LUZP2: variants seen among roughly 807,000 people sequenced by gnomAD.
The protein encoded by LUZP2 is leucine zipper protein 2.
A neutral mutation model predicts 51.6 loss-of-function variants in LUZP2; 52 were observed. That is an observed-to-expected ratio of 1.01 (90% confidence interval 0.81 to 1.27). LUZP2 has a LOEUF of 1.27. LUZP2 is among the 50% of genes most tolerant of loss of function. The probability of loss-of-function intolerance (pLI) is 0.00; values close to 1 mark genes in which losing one functional copy is unlikely to be tolerated. For missense variants in LUZP2, 436 were observed against 395.4 expected, an observed-to-expected ratio of 1.10 and a Z score of -0.87; for synonymous variants, 154 against 137.3, an observed-to-expected ratio of 1.12 and a Z score of -0.85.
At chr11:24,613,754 A>G (rs1361143769) in intron 1 of LUZP2, among the ~76,000 whole-genome samples, 1 of 151,886 alleles carries the variant, frequency 6.6e-6, no homozygotes, top group Middle Eastern at 3.2e-3. Flanking sequence ...GGAAGGAATG[A>G]AAGAGACATT....
Position 24,649,679 on chromosome 11 carries a change from C to T in LUZP2, c.63-79490C>T, listed in dbSNP as rs539199204. On this transcript the variant is annotated intron_variant, in intron 1 of 11. Transcript: ENST00000336930. ...TCAGTAATAGCGATAGGTGTTATAA[C>T]CTGAATCGGGAGTTTAATTTCTGGG... Among the ~76,000 whole-genome samples, 3 of 151,934 alleles carry T rather than the reference C, an allele frequency of 2.0e-5. No individual in the cohort carries two copies. The South Asian group carries it at 6.2e-4, about 32-fold the overall frequency.
chr11:25,005,404 G>T lies in LUZP2; in HGVS notation c.765+22111G>T, dbSNP rs147556301. Among the ~76,000 whole-genome samples, 5 of 152,278 alleles carry T rather than the reference G, an allele frequency of 3.3e-5. No individual in the cohort carries two copies. The East Asian group carries it at 5.8e-4, about 18-fold the overall frequency. On this transcript the variant is annotated intron_variant, in intron 9 of 11. Transcript: ENST00000336930. ...TCCCTCTTACAGAAAAGGTCAAGCT[G>T]CAGGATAGTTTTGTAATTTATATTT... is the stretch of plus-strand genomic sequence containing the variant.
chr11:24,766,126 C>G (rs1860181178), intron 5 of LUZP2, among the ~76,000 whole-genome samples: 1 of 152,098 alleles, frequency 6.6e-6, no homozygotes. Context: ...TCATGGGCAC[C>G]ACTTTTAACC....
intron 1 of LUZP2, among the ~76,000 whole-genome samples, chr11:24,563,102 A>G (rs1440457997): frequency 6.6e-6 from 1 of 152,200 alleles, no homozygotes; most frequent in Non-Finnish European, 1.5e-5. Context: ...ATGAAACTAC[A>G]TATGCAAATT....
chr11:24,978,298 T>C (rs1181324403), intron 8 of LUZP2, among the ~76,000 whole-genome samples: 1 of 151,832 alleles, frequency 6.6e-6, no homozygotes, highest in Non-Finnish European at 1.5e-5. Flanking sequence ...AAAATGTATA[T>C]AACTCATTAT....
intron 9 of LUZP2, among the ~76,000 whole-genome samples, chr11:25,033,448 C>T (rs1309179610): frequency 7.9e-5 from 12 of 152,088 alleles, no homozygotes; most frequent in Non-Finnish European, 1.8e-4. Flanking sequence ...ATTTTAGATA[C>T]ATGATGTACA....
intron 1 of LUZP2, among the ~76,000 whole-genome samples, chr11:24,674,929 T>G (rs1022761092): frequency 1.3e-5 from 2 of 152,214 alleles, no homozygotes; most frequent in African/African-American, 2.4e-5. Context: ...ACTATAATAT[T>G]GCAATTTTAA....
intron 1 of LUZP2, among the ~76,000 whole-genome samples, chr11:24,564,766 A>G (rs1852162922): frequency 6.6e-6 from 1 of 152,308 alleles, no homozygotes; most frequent in Admixed American, 6.5e-5. Context: ...TTTTTTAAAA[A>G]ATAACATTTG....
At chr11:24,550,566 T>C (rs932186147) in intron 1 of LUZP2, among the ~76,000 whole-genome samples, 2 of 152,094 alleles carry the variant, frequency 1.3e-5, no homozygotes, top group Admixed American at 1.3e-4. Context: ...TATATTCCAT[T>C]ATTGAAACTT....
intron 1 of LUZP2, among the ~76,000 whole-genome samples, chr11:24,603,896 T>C (rs1853826312): frequency 6.6e-6 from 1 of 151,816 alleles, no homozygotes; most frequent in Non-Finnish European, 1.5e-5. Context: ...TTGTCATTTA[T>C]TTTTATTATT....
chr11:24,665,052 T>C (rs4592420), intron 1 of LUZP2, among the ~76,000 whole-genome samples: 105,758 of 152,036 alleles, frequency 0.7, 37,253 homozygotes, highest in Non-Finnish European at 0.76. Flanking sequence ...TCAACGTCAG[T>C]ATGAGAAAGT....
At chr11:24,967,203 T>C (rs1855609113) in intron 7 of LUZP2, among the ~76,000 whole-genome samples, 1 of 151,838 alleles carries the variant, frequency 6.6e-6, no homozygotes, top group Non-Finnish European at 1.5e-5. Context: ...ATTTTAAAAA[T>C]AGCTTGTCAA....
At chr11:24,680,436 A>C (rs1279387540) in intron 1 of LUZP2, among the ~76,000 whole-genome samples, 1 of 152,196 alleles carries the variant, frequency 6.6e-6, no homozygotes, top group East Asian at 1.9e-4. Context: ...GGCTTTGTCT[A>C]ATCCAACCCA....
At chr11:24,886,344 C>G (rs1005501106) in intron 5 of LUZP2, among the ~76,000 whole-genome samples, 3 of 152,040 alleles carry the variant, frequency 2.0e-5, no homozygotes, top group African/African-American at 7.2e-5. Context: ...GTGGCTGATT[C>G]AGTTTGGTCT....
intron 1 of LUZP2, among the ~76,000 whole-genome samples, chr11:24,658,674 A>C (rs1413554193): frequency 6.6e-6 from 1 of 152,212 alleles, no homozygotes; most frequent in Non-Finnish European, 1.5e-5. Context: ...CAATCTACTC[A>C]TCTGACAAAG....
intron 10 of LUZP2, among the ~76,000 whole-genome samples, chr11:25,067,986 T>C (rs1428146326): frequency 6.6e-6 from 1 of 151,912 alleles, no homozygotes; most frequent in African/African-American, 2.4e-5. Context: ...TATGCAGCCA[T>C]AAAAAAGGAT....
chr11:24,562,826 C>A (rs1216216278), intron 1 of LUZP2, among the ~76,000 whole-genome samples: 2 of 148,776 alleles, frequency 1.3e-5, no homozygotes, highest in Non-Finnish European at 3.0e-5. Flanking sequence ...CACGCCACTG[C>A]ACTCCAGCCT....
At chr11:24,959,783 A>G (rs1855336637) in intron 7 of LUZP2, among the ~76,000 whole-genome samples, 1 of 152,222 alleles carries the variant, frequency 6.6e-6, no homozygotes, top group East Asian at 1.9e-4. Flanking sequence ...AACTTCCAAT[A>G]CTATGTTGAA....
At chr11:24,579,318 T>A (rs1047319607) in intron 1 of LUZP2, among the ~76,000 whole-genome samples, 4 of 152,124 alleles carry the variant, frequency 2.6e-5, no homozygotes, top group Non-Finnish European at 4.4e-5. Context: ...CAATTTATTA[T>A]AAATAGAACC....
Sources: allele counts gnomAD v4.1 joint callset (sites outside exome capture counted in the v4.1 genomes callset), GRCh38; gene constraint gnomAD v4.1.1; transcripts MANE v1.5; gene names NCBI Gene and HGNC (gene_info 2026-07-23, HGNC 2026-07-21).